FBXW11: variants seen among roughly 807,000 people sequenced by gnomAD.
FBXW11 encodes the protein F-box and WD repeat domain containing 11.
In FBXW11, 19 loss-of-function variants were observed where a neutral mutation model predicts 77.6. The ratio of observed to expected loss-of-function variants is 0.24; its 90% CI spans 0.17 to 0.36. The LOEUF is 0.36. Among genes scored for constraint, FBXW11 ranks in the 10% least tolerant of loss-of-function variants. The pLI is 1.00. For missense variants in FBXW11, 334 were observed against 704.2 expected (o/e 0.47, Z 5.95); for synonymous variants, 235 against 249.4 (o/e 0.94, Z 0.54).
At chr5:171,910,297 C>T (rs1242219640) in intron 4 of FBXW11, among the ~76,000 whole-genome samples, 5 of 152,046 alleles carry the variant, frequency 3.3e-5, no homozygotes, top group African/African-American at 7.2e-5. Flanking sequence ...AACTTCTGAC[C>T]TCAAGTGATC....
At chr5:171,975,926 T>C (rs954673358) in intron 1 of FBXW11, among the ~76,000 whole-genome samples, 44 of 152,182 alleles carry the variant, frequency 2.9e-4, no homozygotes, top group African/African-American at 1.1e-3. Flanking sequence ...GTTTGGGAAA[T>C]GTTGGGAAAC....
intron 2 of FBXW11, among the ~76,000 whole-genome samples, chr5:171,950,473 T>G (rs1195551814): frequency 6.6e-6 from 1 of 151,850 alleles, no homozygotes; most frequent in Non-Finnish European, 1.5e-5. Context: ...AAAAGTACCA[T>G]TCATGAAAGA....
At chr5:172,006,275 C>A (rs532443023) in intron 1 of FBXW11, among the ~76,000 whole-genome samples, 183 bp downstream of exon 1, 1 of 152,150 alleles carries the variant, frequency 6.6e-6, no homozygotes, top group South Asian at 2.1e-4. Flanking sequence ...CAGGACCGGC[C>A]GGAGATGTCG....
chr5:171,935,688 C>G (rs1762437436), intron 2 of FBXW11, among the ~76,000 whole-genome samples: 4 of 152,042 alleles, frequency 2.6e-5, no homozygotes, highest in Admixed American at 2.6e-4. Flanking sequence ...AGCAAGGCAT[C>G]AGTGGAGCAG....
chr5:171,914,398 G>A lies in FBXW11; in HGVS notation c.155C>T (p.Ser52Leu). The change falls in exon 3 of 14, where the codon TCA (serine) becomes TTA (leucine). Residue 52 changes from serine (S) to leucine (L), a missense_variant. Physicochemically the swap from Ser to Leu is moderately radical, Grantham distance 145. Coordinates refer to ENST00000517395, the MANE Select transcript of FBXW11 (RefSeq NM_001378974.1). The part of the protein sequence containing the change: ...MPSVRCLQNT[S>L]VMEDQNEDES... ...ATCTTCATTTTGATCTTCCATAACT[G>A]AAGTGTTCTAGGGGGGGAAAAACAG... 1 of 1,601,302 alleles carries A rather than the reference G, an allele frequency of 6.2e-7. No homozygotes were observed. Among genetic ancestry groups the A allele is most frequent in the Non-Finnish European group, 8.5e-7 (1 of 1,175,418 alleles).
In FBXW11 at chr5:171,952,869, AT is replaced by A. The variant is rs1002375031; in HGVS notation, c.147+4727del. 6.0e-4 allele frequency among the ~76,000 whole-genome samples: 89 copies of A among 147,430 alleles called. No homozygotes were observed. The East Asian group carries it at 7.7e-3, about 13-fold the overall frequency. On this transcript the variant is annotated intron_variant, in intron 2 of 13. Coordinates refer to ENST00000517395, the MANE Select transcript of FBXW11 (RefSeq NM_001378974.1). ...ATTATGAGATTTTTTTTCTTTCGCA[AT>A]TTTTTTTTTTAGCTCATCAGCTATC...
chr5:172,001,581 G>C (rs1766414151), intron 1 of FBXW11, among the ~76,000 whole-genome samples: 1 of 152,162 alleles, frequency 6.6e-6, no homozygotes, highest in South Asian at 2.1e-4. Context: ...ACACAAACAG[G>C]TAACTATATT....
At chr5:171,897,556 GA>G (rs1759826710) in intron 6 of FBXW11, among the ~76,000 whole-genome samples, 1 of 152,142 alleles carries the variant, frequency 6.6e-6, no homozygotes, top group African/African-American at 2.4e-5. Context: ...ACAGAATACT[GA>G]ATTCACATTG....
chr5:171,868,573 A>T, intron 13 of FBXW11, 37 bp downstream of exon 13: 6 of 1,527,688 alleles, frequency 3.9e-6, no homozygotes, highest in Non-Finnish European at 4.4e-6. Flanking sequence ...AGGTGAATTC[A>T]ATCAGCAAAA....
intron 1 of FBXW11, among the ~76,000 whole-genome samples, chr5:171,985,056 T>C (rs759500313): frequency 6.6e-6 from 1 of 152,168 alleles, no homozygotes; most frequent in African/African-American, 2.4e-5. Context: ...AACACACATA[T>C]ACGCACAGCT....
chr5:171,861,719 T>C lies in FBXW11; in HGVS notation c.*2408A>G, dbSNP rs184860719. The C allele has an allele frequency of 2.0e-5, 3 of 152,786 alleles. No homozygotes were observed. In the East Asian group the frequency reaches 5.8e-4, roughly 29 times the overall value. The allele number at this position is 152,786 out of a possible 1,614,324, so 9.5% of individuals were successfully genotyped here. ...ACTTTTTTGTTTTTTATTAAGCACA[T>C]TCCACAGTACAAAGCTGTCATGAAT... is the stretch of plus-strand genomic sequence containing the variant. On this transcript the variant is annotated 3_prime_UTR_variant, in exon 14 of 14. Transcript: ENST00000517395.
At chr5:172,003,716 G>T (rs537881924) in intron 1 of FBXW11, among the ~76,000 whole-genome samples, 2 of 152,130 alleles carry the variant, frequency 1.3e-5, no homozygotes, top group Non-Finnish European at 2.9e-5. Flanking sequence ...CAAAGTGGGG[G>T]TTATATTTTA....
At chr5:171,937,037 C>T (rs1296450561) in intron 2 of FBXW11, among the ~76,000 whole-genome samples, 1 of 152,222 alleles carries the variant, frequency 6.6e-6, no homozygotes, top group Non-Finnish European at 1.5e-5. Flanking sequence ...TGACCTGATA[C>T]ATTTTTCTGA....
intron 2 of FBXW11, among the ~76,000 whole-genome samples, chr5:171,950,369 T>C (rs946394725): frequency 3.0e-4 from 45 of 151,934 alleles, no homozygotes; most frequent in African/African-American, 1.1e-3. Context: ...CTTAAGATTT[T>C]TGAACTTTTC....
At chr5:171,932,166 T>A (rs1445466617) in intron 2 of FBXW11, among the ~76,000 whole-genome samples, 1 of 152,046 alleles carries the variant, frequency 6.6e-6, no homozygotes, top group Non-Finnish European at 1.5e-5. Flanking sequence ...TGAGCCACCA[T>A]GCCTGGCCTA....
Position 171,925,026 on chromosome 5 carries a change from C to T in FBXW11, c.148-10621G>A, listed in dbSNP as rs528164114. The stretch of plus-strand genomic sequence containing the variant: ...ACTGAGTGCGGGATCAGGGCCAGGG[C>T]GCTAAGAGCAGCCCACCAGGCCAAG... On this transcript the variant is annotated intron_variant, in intron 2 of 13. Coordinates refer to ENST00000517395, the MANE Select transcript of FBXW11 (RefSeq NM_001378974.1). 1.6e-3 allele frequency among the ~76,000 whole-genome samples: 244 copies of T among 152,254 alleles called. 1 individual carries two copies. The highest frequency in any genetic ancestry group is 5.2e-3 in the African/African-American group (214 of 41,536).
intron 2 of FBXW11, among the ~76,000 whole-genome samples, chr5:171,920,781 T>C (rs1484155357): frequency 6.6e-6 from 1 of 152,104 alleles, no homozygotes; most frequent in Non-Finnish European, 1.5e-5. Context: ...GATAAACAGA[T>C]TAGCAAAAGT....
intron 1 of FBXW11, among the ~76,000 whole-genome samples, chr5:171,999,256 C>T (rs1479727665): frequency 6.6e-6 from 1 of 152,010 alleles, no homozygotes. Flanking sequence ...TTTCAAGGTA[C>T]GACTATCCAA....
At chr5:171,889,902 T>C (rs1010176734) in intron 7 of FBXW11, among the ~76,000 whole-genome samples, 1 of 152,100 alleles carries the variant, frequency 6.6e-6, no homozygotes, top group African/African-American at 2.4e-5. Context: ...AAAAAAATTT[T>C]TTTTAAATAA....
Sources: allele counts gnomAD v4.1 joint callset (sites outside exome capture counted in the v4.1 genomes callset), GRCh38; gene constraint gnomAD v4.1.1; transcripts MANE v1.5; gene names NCBI Gene and HGNC (gene_info 2026-07-23, HGNC 2026-07-21).